Variants in NEK5 observed in about 807,000 individuals in gnomAD.
The protein encoded by NEK5 is serine/threonine-protein kinase Nek5.
In NEK5, 88 loss-of-function variants were observed where a neutral mutation model predicts 109.2. That is an observed-to-expected ratio of 0.81 (90% CI 0.68 to 0.96). The LOEUF (loss-of-function observed/expected upper bound fraction) is 0.96, where lower values mean the gene tolerates loss of function less well. Ranked by LOEUF, NEK5 falls within the 40% of genes least tolerant of loss-of-function variation. The pLI is 0.00. For missense variants in NEK5, 834 were observed against 920.7 expected, an observed-to-expected ratio of 0.91 and a Z score of 1.22; for synonymous variants, 283 against 299.9, an observed-to-expected ratio of 0.94 and a Z score of 0.58.
rs1013604972 is a variant in NEK5, at chr13:52,034,304, G to C, written c.*2644C>G. On this transcript the variant is annotated 3_prime_UTR_variant, in exon 24 of 24. Coordinates refer to ENST00000684899, the MANE Select transcript of NEK5 (RefSeq NM_001365552.1). ...GAACACGATTTAGCTAATAGTGTGT[G>C]TAAAATGGGTAAGGTCTAGAATTAG... 7 of 152,196 alleles carry C rather than the reference G, an allele frequency of 4.6e-5. No homozygotes were observed. Among genetic ancestry groups the C allele is most frequent in the African/African-American group, 1.7e-4 (7 of 41,444 alleles). The allele number at this position is 152,196 out of a possible 1,614,324, so 9.4% of individuals were successfully genotyped here. A position where few individuals can be genotyped will look rare whatever the true frequency, so the allele number is the denominator to read the frequency against.
chr13:52,107,420 A>G (rs1955676261), intron 8 of NEK5, among the ~76,000 whole-genome samples: 3 of 152,046 alleles, frequency 2.0e-5, no homozygotes, highest in African/African-American at 7.2e-5. Context: ...GTGAAACTCC[A>G]TCTCTACTAA....
chr13:52,053,274 T>C (rs915211881), intron 22 of NEK5, among the ~76,000 whole-genome samples: 6 of 152,028 alleles, frequency 3.9e-5, no homozygotes, highest in African/African-American at 1.4e-4. Context: ...CGTAACAAAG[T>C]GAGACTCCGT....
intron 22 of NEK5, among the ~76,000 whole-genome samples, chr13:52,051,320 A>C (rs1954504306): frequency 6.6e-6 from 1 of 151,752 alleles, no homozygotes; most frequent in South Asian, 2.1e-4. Context: ...ATTTCCTTCC[A>C]CTTCTGCTCC....
At chr13:52,114,385 C>A (rs1955810421) in intron 4 of NEK5, among the ~76,000 whole-genome samples, 1 of 152,234 alleles carries the variant, frequency 6.6e-6, no homozygotes, top group African/African-American at 2.4e-5. Flanking sequence ...CTTTAAAGTA[C>A]CCTAACCAAC....
intron 16 of NEK5, among the ~76,000 whole-genome samples, chr13:52,085,597 G>A (rs946349588): frequency 6.6e-6 from 1 of 152,334 alleles, no homozygotes; most frequent in African/African-American, 2.4e-5. Context: ...CTCAGTGCCT[G>A]CAAGCTTCTC....
chr13:52,080,689 G>GGCA (rs962007617), intron 17 of NEK5, among the ~76,000 whole-genome samples: 1 of 151,980 alleles, frequency 6.6e-6, no homozygotes, highest in Non-Finnish European at 1.5e-5. Context: ...GATGCTTGAA[G>GGCA]GCAGCATGCT....
At chr13:52,120,946 A>T (rs940933161) in intron 3 of NEK5, among the ~76,000 whole-genome samples, 1 of 152,004 alleles carries the variant, frequency 6.6e-6, no homozygotes, top group Non-Finnish European at 1.5e-5. Flanking sequence ...GCTAAAACAA[A>T]ATGTAATATA....
chr13:52,099,405 C>G (rs1427408732), intron 12 of NEK5, among the ~76,000 whole-genome samples: 2 of 152,138 alleles, frequency 1.3e-5, no homozygotes, highest in African/African-American at 4.8e-5. Flanking sequence ...GGCGCCATGG[C>G]TCACACCTGT....
At chr13:52,058,522 T>C (rs1408321020) in intron 22 of NEK5, among the ~76,000 whole-genome samples, 9 of 144,428 alleles carry the variant, frequency 6.2e-5, no homozygotes, top group South Asian at 2.3e-4. Flanking sequence ...AGAACAAAGC[T>C]GGAGGCATCA....
chr13:52,035,912 G>A lies in NEK5; in HGVS notation c.*1036C>T, dbSNP rs1465628924. 2.0e-5 allele frequency: 3 copies of A among 151,090 alleles called. No individual in the cohort carries two copies. Among genetic ancestry groups the A allele is most frequent in the African/African-American group, 7.3e-5 (3 of 41,150 alleles). The allele number at this position is 151,090 out of a possible 1,614,324, so 9.4% of individuals were successfully genotyped here. ...CTTCAAAATCACAGTTTTGTAAAAC[G>A]GCAGATTATGTTAAATGAGTGAACC... On this transcript the variant is annotated 3_prime_UTR_variant, in exon 24 of 24. Transcript: ENST00000684899.
chr13:52,093,105 C>T lies in NEK5; in HGVS notation c.1157G>A (p.Gly386Glu). 2 of 1,613,602 alleles carry T rather than the reference C, an allele frequency of 1.2e-6. No homozygotes were observed. The highest frequency in any genetic ancestry group is 4.5e-5 in the East Asian group (2 of 44,890). The change falls in exon 13 of 24, where the codon GGA becomes GAA. Residue 386 changes from glycine to glutamate, a missense_variant. Transcript: ENST00000684899. ...SYHPIPQENT[G>E]VEDYGQETRH... ...CGTTTCCTGACCGTAATCCTCAACT[C>T]CAGTATTTTCTTGAGGAATAGGGTG...
intron 23 of NEK5, 103 bp from the exon 24 acceptor site, chr13:52,037,321 A>T (rs1173656669): frequency 2.3e-6 from 1 of 437,802 alleles, no homozygotes; most frequent in Non-Finnish European, 3.0e-6. Context: ...GAGCAATATA[A>T]AAGTTGCATT....
intron 3 of NEK5, among the ~76,000 whole-genome samples, chr13:52,124,165 G>A (rs867960316): frequency 3.9e-5 from 6 of 152,060 alleles, no homozygotes; most frequent in Admixed American, 2.0e-4. Flanking sequence ...GTGTGGTGGC[G>A]CATGCCTGCA....
At chr13:52,110,639 G>A in intron 5 of NEK5, 62 bp from the exon 6 acceptor site, 1 of 921,570 alleles carries the variant, frequency 1.1e-6, no homozygotes, top group Non-Finnish European at 1.7e-6. Context: ...ATGTCTTCAT[G>A]GTAACATGCA....
At chr13:52,077,956 C>G (rs1954898857) in intron 17 of NEK5, among the ~76,000 whole-genome samples, 1 of 152,074 alleles carries the variant, frequency 6.6e-6, no homozygotes, top group Non-Finnish European at 1.5e-5. Context: ...TGCCTGTAAT[C>G]CCAGCTACTT....
At chr13:52,128,824 C>G (rs61957233) in intron 1 of NEK5, 4,859 of 152,484 alleles carry the variant, frequency 0.032, 116 homozygotes, top group South Asian at 0.077. Flanking sequence ...GACGCTTACC[C>G]GTACCCGACC....
chr13:52,120,416 G>C (rs991698033), intron 3 of NEK5, among the ~76,000 whole-genome samples: 13 of 151,318 alleles, frequency 8.6e-5, no homozygotes, highest in African/African-American at 3.2e-4. Flanking sequence ...ACAAACAAAA[G>C]GATAAGATAC....
rs760545697 is a variant in NEK5, at chr13:52,110,410, T to C, written c.397A>G (p.Asn133Asp). 6.2e-7 allele frequency: 1 copy of C among 1,612,968 alleles called. No individual in the cohort carries two copies. The highest frequency in any genetic ancestry group is 1.1e-5 in the South Asian group (1 of 91,040). The change falls in exon 7 of 24, where the codon AAC becomes GAC. Residue 133 changes from asparagine (N) to aspartate (D), a missense_variant and splice_region_variant. By Grantham distance (23) the Asn-to-Asp change is conservative. Coordinates refer to ENST00000684899, the MANE Select transcript of NEK5 (RefSeq NM_001365552.1). Reference protein sequence around the residue: ...KILHRDIKAQNIFLSKNGMVA... With the variant: ...KILHRDIKAQDIFLSKNGMVA... The stretch of plus-strand genomic sequence containing the variant: ...ATTCCGTTCTTGCTAAGAAAAATGT[T>C]CTATAAATGGAGAAAATGTCATGTT...
At chr13:52,059,468 G>A (rs1413377075) in intron 22 of NEK5, among the ~76,000 whole-genome samples, 2 of 130,688 alleles carry the variant, frequency 1.5e-5, no homozygotes, top group African/African-American at 5.9e-5. Context: ...ATACCCAAAG[G>A]ACTATAAATC....
Sources: allele counts gnomAD v4.1 joint callset (sites outside exome capture counted in the v4.1 genomes callset), GRCh38; gene constraint gnomAD v4.1.1; transcripts MANE v1.5; gene names NCBI Gene and HGNC (gene_info 2026-07-23, HGNC 2026-07-21).